MTHFD1L: variants seen among roughly 807,000 people sequenced by gnomAD.
The protein encoded by MTHFD1L is methylenetetrahydrofolate dehydrogenase (NADP+ dependent) 1 like.
In MTHFD1L, 81 loss-of-function variants were observed where a neutral mutation model predicts 119.5. The ratio of observed to expected loss-of-function variants is 0.68; its 90% CI spans 0.57 to 0.82. MTHFD1L has a LOEUF of 0.82. MTHFD1L is among the 40% of genes least tolerant of loss of function. The probability of loss-of-function intolerance (pLI) is 0.00; values close to 1 mark genes in which losing one functional copy is unlikely to be tolerated. For synonymous variants in MTHFD1L, 430 were observed against 475.2 expected (o/e 0.90, Z 1.24); for missense variants, 1,125 against 1,253.4 (o/e 0.90, Z 1.55).
intron 27 of MTHFD1L, among the ~76,000 whole-genome samples, chr6:151,098,035 G>C (rs919523374): frequency 6.6e-6 from 1 of 152,024 alleles, no homozygotes; most frequent in South Asian, 2.1e-4. Flanking sequence ...TTAGCCAGGC[G>C]TCATGGCACG....
chr6:151,011,242 C>T (rs1782169252), intron 21 of MTHFD1L, among the ~76,000 whole-genome samples: 1 of 152,204 alleles, frequency 6.6e-6, no homozygotes, highest in South Asian at 2.1e-4. Context: ...ATAAAGAATT[C>T]TGACTTCACT....
At chr6:151,050,672 C>G (rs1422855935) in intron 26 of MTHFD1L, among the ~76,000 whole-genome samples, 1 of 152,002 alleles carries the variant, frequency 6.6e-6, no homozygotes, top group Non-Finnish European at 1.5e-5. Context: ...TCTGGGTAGA[C>G]AGGGTCGGAA....
intron 24 of MTHFD1L, among the ~76,000 whole-genome samples, chr6:151,025,273 C>T (rs1230566215): frequency 2.6e-5 from 4 of 152,246 alleles, no homozygotes. Context: ...GACGTCGGCA[C>T]GTAGCTCAGA....
intron 26 of MTHFD1L, among the ~76,000 whole-genome samples, chr6:151,048,414 CTG>C (rs1475785868): frequency 2.0e-5 from 3 of 152,150 alleles, no homozygotes; most frequent in Non-Finnish European, 4.4e-5. Flanking sequence ...AGAGTAGAGA[CTG>C]TGTCTTCAGT....
At chr6:151,091,768 A>G (rs538817367) in intron 26 of MTHFD1L, among the ~76,000 whole-genome samples, 1 of 152,232 alleles carries the variant, frequency 6.6e-6, no homozygotes, top group East Asian at 1.9e-4. Context: ...GAAATGAGTA[A>G]TTTGAGATTA....
intron 21 of MTHFD1L, among the ~76,000 whole-genome samples, chr6:151,010,906 GT>G (rs1164437240): frequency 6.6e-6 from 1 of 152,206 alleles, no homozygotes; most frequent in Non-Finnish European, 1.5e-5. Context: ...CAAGTAGCAG[GT>G]TTGCCATCAT....
chr6:150,866,219 G>A, intron 1 of MTHFD1L, 170 bp downstream of exon 1: 1 of 1,379,146 alleles, frequency 7.3e-7, no homozygotes, highest in Non-Finnish European at 9.4e-7. Flanking sequence ...TGGGCACTGC[G>A]GCCGGGAGCG....
chr6:150,926,115 C>T lies in MTHFD1L; in HGVS notation c.1083-7C>T. 1.9e-6 allele frequency: 3 copies of T among 1,610,870 alleles called. No individual in the cohort carries two copies. The highest frequency in any genetic ancestry group is 2.5e-6 in the Non-Finnish European group (3 of 1,177,646). Reference sequence around the variant, plus strand: ...TTTTCTCTCTTTCGTATTGTCTTTCCCCTCAGTGACATTGAGATTTCAAGA... The same window carrying T: ...TTTTCTCTCTTTCGTATTGTCTTTCTCCTCAGTGACATTGAGATTTCAAGA... On this transcript the variant is annotated splice_region_variant and splice_polypyrimidine_tract_variant and intron_variant, in intron 10 of 27. Transcript: ENST00000367321. The surrounding 1 kb of genome is among the most constrained non-coding windows in gnomAD (Gnocchi z 4.3).
At chr6:150,939,097 T>C in intron 13 of MTHFD1L, 1 of 241,046 alleles carries the variant, frequency 4.1e-6, no homozygotes, top group Non-Finnish European at 8.3e-6. Context: ...AAATTCAGAA[T>C]CTTGAAACCC....
chr6:150,968,234 C>T (rs1797507778), intron 19 of MTHFD1L, among the ~76,000 whole-genome samples: 1 of 152,066 alleles, frequency 6.6e-6, no homozygotes, highest in Admixed American at 6.6e-5. Flanking sequence ...ACCGAGATGA[C>T]AGCAAGACCT....
At chr6:151,065,044 T>C (rs1791082402) in intron 26 of MTHFD1L, among the ~76,000 whole-genome samples, 1 of 152,172 alleles carries the variant, frequency 6.6e-6, no homozygotes, top group Non-Finnish European at 1.5e-5. Flanking sequence ...CCTCAGGTGA[T>C]CCACCCGCCT....
chr6:151,009,354 G>A (rs1326929760), intron 20 of MTHFD1L, among the ~76,000 whole-genome samples: 1 of 151,932 alleles, frequency 6.6e-6, no homozygotes, highest in Non-Finnish European at 1.5e-5. Flanking sequence ...CCAACATGGT[G>A]AAACCCCATC....
At position 150,865,914 on chromosome 6, in the gene MTHFD1L, C is replaced by G. The variant is rs879410757; in HGVS notation, c.92C>G (p.Ala31Gly). 1.6e-3 allele frequency: 1,944 copies of G among 1,199,282 alleles called. 2 individuals are homozygous for G. The highest frequency in any genetic ancestry group is 3.2e-3 in the Admixed American group (70 of 22,110). The allele number at this position is 1,199,282 out of a possible 1,614,324, so 74.3% of individuals were successfully genotyped here. A position where few individuals can be genotyped will look rare whatever the true frequency, so the allele number is the denominator to read the frequency against. ...PPRRLRVPCRASSGGGGGGGG... is the reference protein window; with the variant it reads ...PPRRLRVPCRGSSGGGGGGGG... ...CGCCGCCTCCGTGTGCCCTGTCGCG[C>G]TAGCAGCGGCGGCGGCGGAGGCGGC... Residue 31 changes from alanine (A) to glycine (G), a missense_variant, in exon 1 of 28, where the codon GCT (alanine) becomes GGT (glycine). This residue lies in a region of MTHFD1L where 1,058 missense variants were observed against 1,151.2 expected (regional missense o/e 0.92). Transcript: ENST00000367321.
chr6:150,882,620 A>G (rs1781554375), intron 4 of MTHFD1L, 142 bp from the exon 5 acceptor site: 2 of 582,068 alleles, frequency 3.4e-6, no homozygotes, highest in Non-Finnish European at 5.4e-6. Context: ...TATGCTTTAC[A>G]CCAAGTTTCC....
intron 26 of MTHFD1L, among the ~76,000 whole-genome samples, chr6:151,060,887 G>A (rs1463349748): frequency 1.3e-5 from 2 of 152,156 alleles, no homozygotes; most frequent in African/African-American, 4.8e-5. Flanking sequence ...TCTGGAAGGT[G>A]GAGTGGAAAA....
rs758193909 is a variant in MTHFD1L at position 151,015,634 on chromosome 6, C to T, written c.2527C>T (p.Arg843Trp). ...VGGKGSVDLA[R>W]AVREAASKRS... is the part of the protein sequence containing the mutation. ...TGGAAAAGGATCGGTGGACTTGGCTCGGGCTGTGAGAGAGGCTGCGAGTAA... is the reference window on the plus strand; with the variant it reads ...TGGAAAAGGATCGGTGGACTTGGCTTGGGCTGTGAGAGAGGCTGCGAGTAA... Residue 843 changes from arginine (R) to tryptophan (W), a missense_variant, in exon 24 of 28, where the codon CGG becomes TGG. Arg to Trp is a moderately radical substitution (Grantham distance 101). This residue lies in a region of MTHFD1L where 1,058 missense variants were observed against 1,151.2 expected (regional missense o/e 0.92). Coordinates refer to ENST00000367321, the MANE Select transcript of MTHFD1L (RefSeq NM_015440.5). The T allele has an allele frequency of 6.8e-6, 11 of 1,613,932 alleles. No individual in the cohort carries two copies. In the Admixed American group the frequency reaches 1.2e-4, roughly 17 times the overall value.
chr6:150,889,616 G>A (rs1314618371), intron 7 of MTHFD1L, among the ~76,000 whole-genome samples: 3 of 152,192 alleles, frequency 2.0e-5, no homozygotes, highest in Admixed American at 6.5e-5. Flanking sequence ...ATGGACACAT[G>A]ACAGACCACT....
Position 150,921,904 on chromosome 6 carries a change from GATC to G in MTHFD1L, c.985-296_985-294del, listed in dbSNP as rs373563467. The stretch of plus-strand genomic sequence containing the variant: ...GCAAGGGAACTATAGAATTAAGCTG[GATC>G]ATCAAGTTCATGCATGCATATTTAA... On this transcript the variant is annotated intron_variant, in intron 9 of 27. Transcript: ENST00000367321. Among the ~76,000 whole-genome samples the G allele has an allele frequency of 4.3e-4, 66 of 152,248 alleles. 1 individual carries two copies. The highest frequency in any genetic ancestry group is 1.4e-3 in the African/African-American group (60 of 41,536).
At chr6:150,892,755 T>C (rs1032351663) in intron 7 of MTHFD1L, among the ~76,000 whole-genome samples, 11 of 152,208 alleles carry the variant, frequency 7.2e-5, no homozygotes, top group African/African-American at 2.2e-4. Flanking sequence ...TGCCTCCCTG[T>C]GTCTGCCTGA....
Sources: gnomAD v4.1 joint callset for allele counts (sites outside exome capture counted in the v4.1 genomes callset) on GRCh38, gnomAD v4.1.1 for gene constraint, gnomAD v4.1.1 regional missense constraint, Gnocchi (gnomAD v3.1) non-coding constraint, MANE v1.5 for transcripts, NCBI Gene and HGNC (gene_info 2026-07-23, HGNC 2026-07-21) for gene names.